The following PPP1R14C variants were observed in gnomAD, a reference collection of about 807,000 sequenced individuals.
The protein encoded by PPP1R14C is protein phosphatase 1 regulatory subunit 14C.
PPP1R14C carries 16 observed loss-of-function variants against 20.4 expected under a neutral mutation model. The ratio of observed to expected loss-of-function variants is 0.78; its 90% CI spans 0.53 to 1.19. The LOEUF (loss-of-function observed/expected upper bound fraction) is 1.19. PPP1R14C is among the 50% of genes most tolerant of loss of function. PPP1R14C has a pLI of 0.00. For missense variants in PPP1R14C, 211 were observed against 220.1 expected (o/e 0.96, Z 0.26); for synonymous variants, 91 against 91.0 (o/e 1.00, Z 0.00).
chr6:150,230,047 T>A (rs1463348105), intron 3 of PPP1R14C, among the ~76,000 whole-genome samples: 2 of 152,178 alleles, frequency 1.3e-5, no homozygotes, highest in African/African-American at 4.8e-5. Context: ...ACTGCCTGCC[T>A]GTTTGCCCTC....
At chr6:150,227,259 C>T (rs1205072049) in intron 3 of PPP1R14C, among the ~76,000 whole-genome samples, 1 of 152,150 alleles carries the variant, frequency 6.6e-6, no homozygotes, top group Non-Finnish European at 1.5e-5. Context: ...TATTCATTTG[C>T]TCAACAAATG....
chr6:150,152,839 T>G (rs1361545996), intron 1 of PPP1R14C, among the ~76,000 whole-genome samples: 2 of 152,170 alleles, frequency 1.3e-5, no homozygotes, highest in Non-Finnish European at 2.9e-5. Flanking sequence ...ATGGACTGAA[T>G]GTTTGTGTCT....
chr6:150,210,833 T>C (rs59815279), intron 1 of PPP1R14C, among the ~76,000 whole-genome samples: 42,521 of 151,990 alleles, frequency 0.28, 6,801 homozygotes, highest in African/African-American at 0.43. Flanking sequence ...TCCAGTTTGC[T>C]GCACTCCTCA....
At chr6:150,179,651 A>G (rs1777599636) in intron 1 of PPP1R14C, among the ~76,000 whole-genome samples, 1 of 152,162 alleles carries the variant, frequency 6.6e-6, no homozygotes, top group Non-Finnish European at 1.5e-5. Flanking sequence ...CTGTTAAAAA[A>G]AAAAAGGGGA....
intron 3 of PPP1R14C, among the ~76,000 whole-genome samples, chr6:150,228,945 T>C (rs957648011): frequency 6.6e-6 from 1 of 152,152 alleles, no homozygotes; most frequent in African/African-American, 2.4e-5. Context: ...AGAGACACGA[T>C]AGAGGAGGCA....
chr6:150,189,922 A>AC, intron 1 of PPP1R14C, among the ~76,000 whole-genome samples: 1 of 151,582 alleles, frequency 6.6e-6, no homozygotes, highest in Non-Finnish European at 1.5e-5. Context: ...CTGTCCCCCA[A>AC]CCCCCCAACA....
At chr6:150,219,594 A>G (rs1241427825) in intron 3 of PPP1R14C, among the ~76,000 whole-genome samples, 2 of 152,054 alleles carry the variant, frequency 1.3e-5, no homozygotes, top group Non-Finnish European at 2.9e-5. Context: ...CAAACATGTA[A>G]CATATTTCCT....
At chr6:150,246,223 ATG>A (rs1778489643) in intron 3 of PPP1R14C, among the ~76,000 whole-genome samples, 1 of 152,146 alleles carries the variant, frequency 6.6e-6, no homozygotes, top group Admixed American at 6.5e-5. Flanking sequence ...ACTTTTGAAA[ATG>A]TGTTATTAAA....
chr6:150,230,159 C>A (rs1246740492), intron 3 of PPP1R14C, among the ~76,000 whole-genome samples: 3 of 152,172 alleles, frequency 2.0e-5, no homozygotes, highest in African/African-American at 7.2e-5. Flanking sequence ...TCACCTTTTC[C>A]AAGAGGCACA....
intron 3 of PPP1R14C, among the ~76,000 whole-genome samples, chr6:150,217,676 A>G (rs1387624973): frequency 6.6e-6 from 1 of 152,266 alleles, no homozygotes; most frequent in Non-Finnish European, 1.5e-5. Context: ...CATGACTGAC[A>G]GCACATAGTA....
intron 3 of PPP1R14C, among the ~76,000 whole-genome samples, chr6:150,236,199 T>A (rs1204493623): frequency 6.6e-6 from 1 of 152,074 alleles, no homozygotes; most frequent in East Asian, 1.9e-4. Flanking sequence ...TGAGCCTGGT[T>A]TATAATACTT....
chr6:150,178,942 G>C (rs1309689781), intron 1 of PPP1R14C, among the ~76,000 whole-genome samples: 1 of 152,240 alleles, frequency 6.6e-6, no homozygotes, highest in Non-Finnish European at 1.5e-5. Flanking sequence ...TCTAGGGAAA[G>C]TTTGATGGCT....
chr6:150,219,310 C>T (rs755025412), intron 3 of PPP1R14C, among the ~76,000 whole-genome samples: 2 of 152,034 alleles, frequency 1.3e-5, no homozygotes, highest in Non-Finnish European at 2.9e-5. Context: ...CTCACCGCAA[C>T]CTCTGCCCCC....
chr6:150,172,039 C>G (rs1186651296), intron 1 of PPP1R14C, among the ~76,000 whole-genome samples: 1 of 152,134 alleles, frequency 6.6e-6, no homozygotes, highest in Non-Finnish European at 1.5e-5. Flanking sequence ...AACTCCTGAC[C>G]TCAAGTGATC....
At chr6:150,168,850 ATAT>A (rs1777466830) in intron 1 of PPP1R14C, among the ~76,000 whole-genome samples, 2 of 152,228 alleles carry the variant, frequency 1.3e-5, no homozygotes, top group Non-Finnish European at 2.9e-5. Flanking sequence ...TGTATCAAAA[ATAT>A]TATCATTTTA....
At chr6:150,158,286 G>C (rs1039200737) in intron 1 of PPP1R14C, among the ~76,000 whole-genome samples, 2 of 152,062 alleles carry the variant, frequency 1.3e-5, no homozygotes, top group African/African-American at 2.4e-5. Context: ...TGACCCAATG[G>C]GGGGCAGAGG....
At chr6:150,190,727 T>C (rs1385159583) in intron 1 of PPP1R14C, among the ~76,000 whole-genome samples, 1 of 152,166 alleles carries the variant, frequency 6.6e-6, no homozygotes, top group East Asian at 1.9e-4. Flanking sequence ...ACCCAGCGTA[T>C]TTTGCATTCT....
rs7747431 is a variant in PPP1R14C at position 150,145,567 on chromosome 6, C to T, written c.306+2069C>T. The stretch of plus-strand genomic sequence containing the variant: ...AGCCAAATAAAGGCTTGTCTCTTTG[C>T]ATCTATTTCTCTGCTGATAGTGCTC... On this transcript the variant is annotated intron_variant, in intron 1 of 3. Coordinates refer to ENST00000361131, the MANE Select transcript of PPP1R14C (RefSeq NM_030949.3). Among the ~76,000 whole-genome samples the T allele has an allele frequency of 4.7e-3, 711 of 152,274 alleles. 7 individuals are homozygous for T. Among genetic ancestry groups the T allele is most frequent in the African/African-American group, 0.016 (669 of 41,558 alleles).
At chr6:150,196,045 G>A (rs1234195893) in intron 1 of PPP1R14C, 2 of 985,086 alleles carry the variant, frequency 2.0e-6, no homozygotes, top group East Asian at 2.3e-4. Context: ...CCTCTCTTGT[G>A]TCAGAGAGAC....
Sources: gnomAD v4.1 joint callset for allele counts (sites outside exome capture counted in the v4.1 genomes callset) on GRCh38, gnomAD v4.1.1 for gene constraint, MANE v1.5 for transcripts, NCBI Gene and HGNC (gene_info 2026-07-23, HGNC 2026-07-21) for gene names.